Variants in PAPSS2 observed in about 807,000 individuals in gnomAD.
PAPSS2 encodes bifunctional 3'-phosphoadenosine 5'-phosphosulfate synthase 2.
Under a neutral mutation model 66.5 loss-of-function variants are expected in PAPSS2, and 61 were observed. That is an observed-to-expected ratio of 0.92 (90% CI 0.75 to 1.14). The LOEUF is 1.14. Among genes scored for constraint, PAPSS2 ranks in the 50% most tolerant of loss-of-function variants. PAPSS2 has a pLI of 0.00. For synonymous variants in PAPSS2, 289 were observed against 287.5 expected (o/e 1.01, Z -0.05); for missense variants, 708 against 789.6 (o/e 0.90, Z 1.24).
intron 9 of PAPSS2, among the ~76,000 whole-genome samples, chr10:87,736,781 C>T (rs529385844): frequency 3.7e-4 from 57 of 152,344 alleles, no homozygotes; most frequent in Non-Finnish European, 7.2e-4. Context: ...ATATAGACTT[C>T]TGGGTTCTGC....
At chr10:87,675,794 G>A (rs78896070) in intron 1 of PAPSS2, among the ~76,000 whole-genome samples, 2,088 of 152,158 alleles carry the variant, frequency 0.014, 55 homozygotes, top group African/African-American at 0.047. Flanking sequence ...TCTGTGTTGG[G>A]GAATGGAGGC....
At chr10:87,738,930 C>T (rs1183311525) in intron 9 of PAPSS2, among the ~76,000 whole-genome samples, 8 of 152,120 alleles carry the variant, frequency 5.3e-5, no homozygotes, top group African/African-American at 1.2e-4. Flanking sequence ...ATATTAACCC[C>T]TTATCAGAAA....
intron 8 of PAPSS2, among the ~76,000 whole-genome samples, chr10:87,727,035 G>A (rs1853667654): frequency 6.6e-6 from 1 of 152,192 alleles, no homozygotes; most frequent in Admixed American, 6.5e-5. Context: ...GATCACTTAT[G>A]GAGGCCACCT....
At chr10:87,707,732 G>A (rs1009605255) in intron 1 of PAPSS2, among the ~76,000 whole-genome samples, 3 of 151,550 alleles carry the variant, frequency 2.0e-5, no homozygotes, top group Admixed American at 6.6e-5. Context: ...ACCATGCCTG[G>A]CTAATATGTT....
At position 87,745,939 on chromosome 10, in the gene PAPSS2, C is replaced by G. The variant is rs1425366983; in HGVS notation, c.1829C>G (p.Thr610Arg). The G allele has an allele frequency of 1.9e-6, 3 of 1,613,918 alleles. No homozygotes were observed. Among genetic ancestry groups the G allele is most frequent in the Non-Finnish European group, 2.5e-6 (3 of 1,179,934 alleles). Residue 610 changes from threonine (T) to arginine (R), a missense_variant, in exon 13 of 13, where the codon ACA becomes AGA. By Grantham distance (71) the Thr-to-Arg change is moderately conservative. Coordinates refer to ENST00000456849, the MANE Select transcript of PAPSS2 (RefSeq NM_001015880.2). The part of the protein sequence containing the change: ...FMAPKAWKVL[T>R]DYYRSLEKN ...GCCCCCAAAGCATGGAAGGTCCTGACAGATTATTACAGGTCCCTGGAGAAG... is the reference window on the plus strand; with the variant it reads ...GCCCCCAAAGCATGGAAGGTCCTGAGAGATTATTACAGGTCCCTGGAGAAG...
At chr10:87,704,580 T>C (rs1245200136) in intron 1 of PAPSS2, among the ~76,000 whole-genome samples, 7 of 127,336 alleles carry the variant, frequency 5.5e-5, no homozygotes, top group Admixed American at 7.8e-5. Flanking sequence ...TGCAGCAGCA[T>C]TGAGCAATAT....
chr10:87,741,115 A>T, intron 9 of PAPSS2, 120 bp from the exon 10 acceptor site: 1 of 1,003,678 alleles, frequency 1.0e-6, no homozygotes, highest in Non-Finnish European at 1.6e-6. Context: ...TGCCAGAAAT[A>T]CTAAAGAACT....
intron 1 of PAPSS2, among the ~76,000 whole-genome samples, chr10:87,665,975 T>TC (rs889705349): frequency 1.3e-5 from 2 of 151,500 alleles, no homozygotes; most frequent in Admixed American, 6.6e-5. Flanking sequence ...TTTCTTTTTT[T>TC]TTTTTTAGAT....
intron 1 of PAPSS2, among the ~76,000 whole-genome samples, chr10:87,672,953 G>A (rs557022831): frequency 1.3e-5 from 2 of 152,184 alleles, no homozygotes; most frequent in East Asian, 1.9e-4. Context: ...ATGCTTATTC[G>A]TTTACACATT....
At chr10:87,662,674 C>T (rs1456459709) in intron 1 of PAPSS2, among the ~76,000 whole-genome samples, 2 of 151,052 alleles carry the variant, frequency 1.3e-5, no homozygotes, top group East Asian at 3.9e-4. Flanking sequence ...TACATCATTT[C>T]CTGGATTAAC....
At position 87,677,598 on chromosome 10, in the gene PAPSS2, A is replaced by G. The variant is rs185370945; in HGVS notation, c.27+17590A>G. On this transcript the variant is annotated intron_variant, in intron 1 of 12. Transcript: ENST00000456849. ...AGCCCTGTAACCAGCTCCGTGCAGG[A>G]GAAACATGGAGAATTAAGACAATCA... Among the ~76,000 whole-genome samples, 411 of 152,342 alleles carry G rather than the reference A, an allele frequency of 2.7e-3. 2 individuals carry two copies. The highest frequency in any genetic ancestry group is 5.0e-3 in the Non-Finnish European group (338 of 68,034).
At chr10:87,686,950 C>T (rs1853096825) in intron 1 of PAPSS2, among the ~76,000 whole-genome samples, 1 of 152,200 alleles carries the variant, frequency 6.6e-6, no homozygotes, top group Non-Finnish European at 1.5e-5. Context: ...CTAGATAAAA[C>T]ACAGGACATC....
At chr10:87,689,533 G>T (rs762648167) in intron 1 of PAPSS2, among the ~76,000 whole-genome samples, 28 of 130,008 alleles carry the variant, frequency 2.2e-4, no homozygotes, top group East Asian at 4.8e-4. Flanking sequence ...AGGCGTGGTG[G>T]CGCATGCCTA....
chr10:87,726,224 G>A (rs913883875), intron 8 of PAPSS2, among the ~76,000 whole-genome samples: 7 of 152,194 alleles, frequency 4.6e-5, no homozygotes, highest in Non-Finnish European at 1.0e-4. Flanking sequence ...GAGGTCAAGA[G>A]ATCGAGACCA....
At chr10:87,730,032 T>C (rs1028438244) in intron 9 of PAPSS2, among the ~76,000 whole-genome samples, 1 of 152,106 alleles carries the variant, frequency 6.6e-6, no homozygotes, top group Admixed American at 6.6e-5. Context: ...TTAGGCCTCC[T>C]GGGCCAGTTA....
At chr10:87,740,485 C>T (rs1853854593) in intron 9 of PAPSS2, among the ~76,000 whole-genome samples, 1 of 152,054 alleles carries the variant, frequency 6.6e-6, no homozygotes, top group South Asian at 2.1e-4. Flanking sequence ...TCTAATTGGC[C>T]AATATGTAAT....
chr10:87,711,069 A>T (rs376769825), intron 2 of PAPSS2, among the ~76,000 whole-genome samples: 1 of 152,242 alleles, frequency 6.6e-6, no homozygotes, highest in Non-Finnish European at 1.5e-5. Flanking sequence ...TTTTATTCTT[A>T]TGTTACAAAG....
At chr10:87,728,847 G>A (rs1400380165) in intron 9 of PAPSS2, among the ~76,000 whole-genome samples, 1 of 152,148 alleles carries the variant, frequency 6.6e-6, no homozygotes, top group Admixed American at 6.5e-5. Flanking sequence ...GTTACAAAAT[G>A]TTCCAAGATA....
chr10:87,684,670 A>G (rs1853065720), intron 1 of PAPSS2, among the ~76,000 whole-genome samples: 1 of 152,182 alleles, frequency 6.6e-6, no homozygotes, highest in African/African-American at 2.4e-5. Flanking sequence ...AGACATCACA[A>G]TTTATTTACC....
Sources: gnomAD v4.1 joint callset for allele counts (sites outside exome capture counted in the v4.1 genomes callset) on GRCh38, gnomAD v4.1.1 for gene constraint, MANE v1.5 for transcripts, NCBI Gene and HGNC (gene_info 2026-07-23, HGNC 2026-07-21) for gene names.